The following CREB5 variants were observed in gnomAD, a reference collection of about 807,000 sequenced individuals.
The protein encoded by CREB5 is cyclic AMP-responsive element-binding protein 5.
Under a neutral mutation model 57.1 loss-of-function variants are expected in CREB5, and 19 were observed. The observed-to-expected ratio is 0.33, with a 90% CI of 0.23 to 0.49. The LOEUF (loss-of-function observed/expected upper bound fraction) is 0.49, where lower values mean the gene tolerates loss of function less well. Among genes scored for constraint, CREB5 ranks in the 20% least tolerant of loss-of-function variants. The pLI, the probability that CREB5 is intolerant of heterozygous loss-of-function variation, is 0.99. For missense variants in CREB5, 579 were observed against 671.6 expected (o/e 0.86, Z 1.52); for synonymous variants, 238 against 238.3 (o/e 1.00, Z 0.01).
rs749319347 is a variant in CREB5 at position 28,804,289 on chromosome 7, C to T, written c.793C>T (p.Arg265Trp). Residue 265 changes from arginine (R) to tryptophan (W), a missense_variant, in exon 8 of 11, where the codon CGG becomes TGG. Coordinates refer to ENST00000357727, the MANE Select transcript of CREB5 (RefSeq NM_182898.4). ...ACACATGATGGAGATGATGGGCTCC[C>T]GGCAGGACCAGACGCCACACCATCA... ...MGHMMEMMGS[R>W]QDQTPHHHMH... 12 of 1,614,050 alleles carry T rather than the reference C, an allele frequency of 7.4e-6. No homozygotes were observed. The Middle Eastern group carries it at 6.6e-4, about 89-fold the overall frequency.
chr7:28,806,365 TTAAATTG>T (rs1341763197), intron 8 of CREB5, among the ~76,000 whole-genome samples: 1 of 152,246 alleles, frequency 6.6e-6, no homozygotes, highest in African/African-American at 2.4e-5. Flanking sequence ...AATACCACTC[TTAAATTG>T]TATTAACTTG....
rs1035011857 is a variant in CREB5 at position 28,451,947 on chromosome 7, A to G, written c.4-36228A>G. On this transcript the variant is annotated intron_variant, in intron 1 of 10. Coordinates refer to ENST00000357727, the MANE Select transcript of CREB5 (RefSeq NM_182898.4). ...ATTGAACATATACATATTGACAACA[A>G]TGGAAGTTGCGGGAAGGTGTCACTC... Among the ~76,000 whole-genome samples, 4 of 152,214 alleles carry G rather than the reference A, an allele frequency of 2.6e-5. No homozygotes were observed. In the South Asian group the frequency reaches 8.3e-4, roughly 32 times the overall value.
intron 1 of CREB5, among the ~76,000 whole-genome samples, chr7:28,306,196 C>T (rs1785178114): frequency 6.6e-6 from 1 of 152,168 alleles, no homozygotes; most frequent in South Asian, 2.1e-4. Flanking sequence ...GGCAGAAACC[C>T]ACAGAGTGTG....
At chr7:28,317,140 G>A (rs1562653982) in intron 1 of CREB5, among the ~76,000 whole-genome samples, 1 of 151,624 alleles carries the variant, frequency 6.6e-6, no homozygotes, top group Non-Finnish European at 1.5e-5. Context: ...ATGATTTTTT[G>A]CATTCTGCTG....
At chr7:28,549,170 A>T (rs1794527752) in intron 4 of CREB5, among the ~76,000 whole-genome samples, 2 of 152,202 alleles carry the variant, frequency 1.3e-5, no homozygotes, top group Non-Finnish European at 2.9e-5. Flanking sequence ...TTGGCTTTTA[A>T]CAGCAATTGC....
chr7:28,439,546 A>G (rs964366648), intron 1 of CREB5, among the ~76,000 whole-genome samples: 1 of 152,170 alleles, frequency 6.6e-6, no homozygotes, highest in Non-Finnish European at 1.5e-5. Flanking sequence ...TGCCATTATC[A>G]GCCCCAGTTT....
At position 28,304,812 on chromosome 7, in the gene CREB5, A is replaced by G. The variant is rs139525819; in HGVS notation, c.-25+5371A>G. ...GATAGACTATTAAGTGGGAAAAAGC[A>G]GGCTGTAGGACAGAAAATAGTGTAT... is the stretch of plus-strand genomic sequence containing the variant. On this transcript the variant is annotated intron_variant, in intron 1 of 9. Coordinates refer to the CREB5 transcript ENST00000396299. Among the ~76,000 whole-genome samples, 264 of 152,324 alleles carry G rather than the reference A, an allele frequency of 1.7e-3. 3 individuals are homozygous for G. Among genetic ancestry groups the G allele is most frequent in the East Asian group, 6.2e-3 (32 of 5,194 alleles).
chr7:28,745,591 C>T (rs889454457), intron 7 of CREB5, among the ~76,000 whole-genome samples: 6 of 152,214 alleles, frequency 3.9e-5, no homozygotes, highest in Admixed American at 3.9e-4. Flanking sequence ...CGCAGATGCA[C>T]CTCATCTCTG....
chr7:28,681,299 C>T (rs1475380128), intron 5 of CREB5, among the ~76,000 whole-genome samples: 2 of 152,128 alleles, frequency 1.3e-5, no homozygotes, highest in Middle Eastern at 3.2e-3. Flanking sequence ...CAGGGAAGAC[C>T]GAGCAGCCTG....
chr7:28,354,636 G>A (rs117856570), intron 1 of CREB5, among the ~76,000 whole-genome samples: 49 of 152,236 alleles, frequency 3.2e-4, no homozygotes, highest in Admixed American at 8.5e-4. Flanking sequence ...AAGCTCCCAC[G>A]TCACTGCAGT....
At chr7:28,582,888 G>A (rs1372645529) in intron 5 of CREB5, among the ~76,000 whole-genome samples, 1 of 152,158 alleles carries the variant, frequency 6.6e-6, no homozygotes, top group African/African-American at 2.4e-5. Flanking sequence ...GGAAAAACAA[G>A]ATAACTGATG....
Position 28,376,571 on chromosome 7 carries a change from G to A in CREB5, c.-25+77130G>A, listed in dbSNP as rs535901835. On this transcript the variant is annotated intron_variant, in intron 1 of 9. Transcript: ENST00000396299. ...AGGCACGAGCCACCGCACCTGGCCAGAGAAGTACCTTTATGTTCTCAACAT... is the reference window on the plus strand; with the variant it reads ...AGGCACGAGCCACCGCACCTGGCCAAAGAAGTACCTTTATGTTCTCAACAT... 9.2e-5 allele frequency among the ~76,000 whole-genome samples: 14 copies of A among 152,274 alleles called. No homozygotes were observed. In the South Asian group the frequency reaches 2.9e-3, roughly 32 times the overall value.
chr7:28,573,273 TA>T (rs1488113393), intron 5 of CREB5, among the ~76,000 whole-genome samples: 1 of 152,232 alleles, frequency 6.6e-6, no homozygotes, highest in Non-Finnish European at 1.5e-5. Context: ...TTTTTTACTT[TA>T]TTTTTTTTGA....
At chr7:28,442,914 A>G (rs1789260897) in intron 1 of CREB5, among the ~76,000 whole-genome samples, 1 of 152,250 alleles carries the variant, frequency 6.6e-6, no homozygotes, top group Non-Finnish European at 1.5e-5. Flanking sequence ...TCAAATATAC[A>G]GACATTCAAA....
At chr7:28,811,356 T>C (rs1383152766) in intron 9 of CREB5, among the ~76,000 whole-genome samples, 1 of 152,180 alleles carries the variant, frequency 6.6e-6, no homozygotes, top group Non-Finnish European at 1.5e-5. Flanking sequence ...ACAGGCACAG[T>C]AGTATCTGAA....
intron 1 of CREB5, among the ~76,000 whole-genome samples, chr7:28,365,446 C>T (rs1786567431): frequency 2.6e-5 from 4 of 152,130 alleles, no homozygotes; most frequent in Non-Finnish European, 4.4e-5. Flanking sequence ...TTCCTCAATG[C>T]ATTATCAGTT....
chr7:28,302,190 C>T (rs1300635544), intron 1 of CREB5, among the ~76,000 whole-genome samples: 1 of 152,080 alleles, frequency 6.6e-6, no homozygotes, highest in South Asian at 2.1e-4. Context: ...TATTAATTCT[C>T]TAATTTTAAA....
intron 1 of CREB5, among the ~76,000 whole-genome samples, chr7:28,399,582 A>T (rs879587635): frequency 1.3e-5 from 2 of 152,208 alleles, no homozygotes; most frequent in East Asian, 3.9e-4. Context: ...CTGGCTAACC[A>T]TATGCAGAAG....
intron 7 of CREB5, among the ~76,000 whole-genome samples, chr7:28,776,413 A>G (rs1352370407): frequency 6.6e-6 from 1 of 152,036 alleles, no homozygotes; most frequent in Non-Finnish European, 1.5e-5. Context: ...TATTCAGAAA[A>G]CTTTGAATTT....
Sources: gnomAD v4.1 joint callset for allele counts (sites outside exome capture counted in the v4.1 genomes callset) on GRCh38, gnomAD v4.1.1 for gene constraint, MANE v1.5 for transcripts, NCBI Gene and HGNC (gene_info 2026-07-23, HGNC 2026-07-21) for gene names.